Variants in BEST3 observed in about 807,000 individuals in gnomAD.
BEST3 encodes the protein bestrophin-3.
BEST3 carries 50 observed loss-of-function variants against 47.1 expected under a neutral mutation model. The ratio of observed to expected loss-of-function variants is 1.06; its 90% CI spans 0.85 to 1.34. The LOEUF is 1.34. Among genes scored for constraint, BEST3 ranks in the 40% most tolerant of loss-of-function variants. The pLI is 0.00. For missense variants in BEST3, 765 were observed against 817.0 expected (o/e 0.94, Z 0.78); for synonymous variants, 282 against 298.8 (o/e 0.94, Z 0.58).
intron 9 of BEST3, among the ~76,000 whole-genome samples, chr12:69,648,265 T>C (rs904283531): frequency 1.3e-5 from 2 of 152,032 alleles, no homozygotes; most frequent in South Asian, 2.1e-4. Context: ...TGGGACAGTA[T>C]GTAAGTGAGA....
chr12:69,659,295 T>A (rs1314683682), intron 9 of BEST3, among the ~76,000 whole-genome samples: 1 of 152,206 alleles, frequency 6.6e-6, no homozygotes, highest in Non-Finnish European at 1.5e-5. Context: ...GTAGCCACTA[T>A]TCCCAATATG....
chr12:69,657,707 A>C (rs1883595740), intron 9 of BEST3, among the ~76,000 whole-genome samples: 1 of 152,216 alleles, frequency 6.6e-6, no homozygotes, highest in South Asian at 2.1e-4. Context: ...TTGGGACAGT[A>C]TAATATTGGT....
intron 9 of BEST3, among the ~76,000 whole-genome samples, chr12:69,648,396 C>T (rs1007974518): frequency 3.3e-5 from 5 of 152,046 alleles, no homozygotes; most frequent in African/African-American, 9.7e-5. Context: ...ACAGATGAGA[C>T]CTATACTACA....
In BEST3 at chr12:69,655,062, A is replaced by C; in HGVS notation, c.1852T>G (p.Leu618Val). The C allele has an allele frequency of 1.2e-6, 2 of 1,614,194 alleles. No homozygotes were observed. Among genetic ancestry groups the C allele is most frequent in the Middle Eastern group, 1.7e-4 (1 of 6,056 alleles). ...TCTGAGGATGTTTCTGTGTCAATTA[A>C]AAGAGCTGGCTGAGAGCTCATGGGG... ...PDPMSSQPAL[L>V]IDTETSSEIS... Residue 618 changes from leucine (L) to valine (V), a missense_variant, in exon 10 of 10, where the codon TTA becomes GTA. By Grantham distance (32) the Leu-to-Val change is conservative. Coordinates refer to ENST00000330891, the MANE Select transcript of BEST3 (RefSeq NM_032735.3).
At chr12:69,695,887 C>T (rs1348512744) in intron 2 of BEST3, among the ~76,000 whole-genome samples, 1 of 151,546 alleles carries the variant, frequency 6.6e-6, no homozygotes, top group East Asian at 1.9e-4. Flanking sequence ...TAATAGTTGG[C>T]CAAAGAAAAA....
chr12:69,683,692 CA>C (rs1658762226), intron 4 of BEST3: 1 of 152,220 alleles, frequency 6.6e-6, no homozygotes, highest in South Asian at 2.1e-4. Flanking sequence ...TGTCTTCCTA[CA>C]ATGCATAAAA....
chr12:69,672,040 C>A (rs1184472826), intron 8 of BEST3, among the ~76,000 whole-genome samples: 2 of 152,160 alleles, frequency 1.3e-5, no homozygotes, highest in Non-Finnish European at 2.9e-5. Flanking sequence ...TTGTTCATTT[C>A]TTTGTTTGGA....
Position 69,677,189 on chromosome 12 carries a change from A to C in BEST3, c.705T>G (p.Val235=). Residue 235 remains valine (V), a synonymous_variant, in exon 6 of 10, where the codon GTT becomes GTG. Coordinates refer to ENST00000330891, the MANE Select transcript of BEST3 (RefSeq NM_032735.3). ...FGYDWVGIPL[V]YTQVVTLAVY... ...GAAAAGTATTTCTTACCTGGGTGTA[A>C]ACCAGCGGAATCCCAACCCAGTCAT... The C allele has an allele frequency of 6.2e-7, 1 of 1,613,910 alleles. No individual in the cohort carries two copies. The highest frequency in any genetic ancestry group is 8.5e-7 in the Non-Finnish European group (1 of 1,179,882).
intron 9 of BEST3, chr12:69,660,593 T>A (rs1391305573): frequency 6.6e-5 from 10 of 152,186 alleles, no homozygotes; most frequent in Admixed American, 6.5e-4. Flanking sequence ...ATATTGTTTT[T>A]TTTTGTGCCA....
chr12:69,663,001 A>G (rs1181072778), intron 9 of BEST3, among the ~76,000 whole-genome samples: 6 of 152,192 alleles, frequency 3.9e-5, no homozygotes, highest in Non-Finnish European at 8.8e-5. Flanking sequence ...ATGAATGGAT[A>G]GTTTGTTAGG....
At chr12:69,675,800 A>AT (rs147311841) in intron 7 of BEST3, among the ~76,000 whole-genome samples, 5,983 of 151,268 alleles carry the variant, frequency 0.04, 186 homozygotes, top group African/African-American at 0.079. Context: ...TCAACATATT[A>AT]TTTTTTTTTG....
At chr12:69,656,911 C>A (rs1883537937) in intron 9 of BEST3, among the ~76,000 whole-genome samples, 1 of 151,938 alleles carries the variant, frequency 6.6e-6, no homozygotes, top group Non-Finnish European at 1.5e-5. Flanking sequence ...GCATTTATGT[C>A]TGTACAATTA....
In BEST3 at chr12:69,655,724, C is replaced by A. The variant is rs756698970; in HGVS notation, c.1190G>T (p.Arg397Leu). 1 of 1,613,890 alleles carries A rather than the reference C, an allele frequency of 6.2e-7. No individual in the cohort carries two copies. Among genetic ancestry groups the A allele is most frequent in the East Asian group, 2.2e-5 (1 of 44,862 alleles). The change falls in exon 10 of 10, where the codon CGG (arginine) becomes CTG (leucine). Residue 397 changes from arginine to leucine, a missense_variant. Physicochemically the swap from Arg to Leu is moderately radical, Grantham distance 102 (BLOSUM62 -2). Coordinates refer to ENST00000330891, the MANE Select transcript of BEST3 (RefSeq NM_032735.3). The stretch of plus-strand genomic sequence containing the variant: ...GGGGTGTTCGTGGGCACTCAGGAAC[C>A]GCTTGACTCTTCTTATCATGGAATG... ...HRHSMIRRVK[R>L]FLSAHEHPSS...
intron 9 of BEST3, chr12:69,670,091 T>G: frequency 4.9e-6 from 1 of 203,550 alleles, no homozygotes; most frequent in Non-Finnish European, 1.0e-5. Flanking sequence ...GCATATTTAA[T>G]TATCTAAAAT....
chr12:69,684,587 A>G, intron 4 of BEST3: 1 of 683,262 alleles, frequency 1.5e-6, no homozygotes, highest in Non-Finnish European at 2.8e-6. Flanking sequence ...TGAAGGCAGA[A>G]TGGGTTTCAT....
At chr12:69,664,847 A>G (rs1396060421) in intron 9 of BEST3, among the ~76,000 whole-genome samples, 1 of 152,092 alleles carries the variant, frequency 6.6e-6, no homozygotes, top group Non-Finnish European at 1.5e-5. Context: ...TTTGATTGTC[A>G]GCTTCCCAGC....
At chr12:69,679,560 T>C (rs962742541) in intron 4 of BEST3, among the ~76,000 whole-genome samples, 2 of 152,236 alleles carry the variant, frequency 1.3e-5, no homozygotes, top group African/African-American at 4.8e-5. Context: ...TTGCACATAC[T>C]TTAAAATTGT....
chr12:69,679,690 A>G lies in BEST3; in HGVS notation c.482-797T>C, dbSNP rs188982125. Among the ~76,000 whole-genome samples, 298 of 152,260 alleles carry G rather than the reference A, an allele frequency of 2.0e-3. 1 individual carries two copies. Among genetic ancestry groups the G allele is most frequent in the Non-Finnish European group, 2.9e-3 (199 of 68,016 alleles). On this transcript the variant is annotated intron_variant, in intron 4 of 9. Transcript: ENST00000330891. Reference sequence around the variant, plus strand: ...AGCCTGGCCAACATGGTGAAACCCCATCTCTACTAAAAATACAAAAATTAG... The same window carrying G: ...AGCCTGGCCAACATGGTGAAACCCCGTCTCTACTAAAAATACAAAAATTAG...
intron 9 of BEST3, chr12:69,661,142 C>T (rs1315395583): frequency 1.3e-5 from 2 of 152,108 alleles, no homozygotes; most frequent in African/African-American, 4.8e-5. Flanking sequence ...ACAAAAATAG[C>T]CCTGATTGCT....
Sources: gnomAD v4.1 joint callset for allele counts (sites outside exome capture counted in the v4.1 genomes callset) on GRCh38, gnomAD v4.1.1 for gene constraint, MANE v1.5 for transcripts, NCBI Gene and HGNC (gene_info 2026-07-23, HGNC 2026-07-21) for gene names.